The following GPD2 variants were observed in gnomAD, a reference collection of about 807,000 sequenced individuals.
GPD2 encodes glycerol-3-phosphate dehydrogenase, mitochondrial.
In GPD2, 54 loss-of-function variants were observed where a neutral mutation model predicts 82.4. The ratio of observed to expected loss-of-function variants is 0.66; its 90% CI spans 0.53 to 0.82. The LOEUF is 0.82. Ranked by LOEUF, GPD2 falls within the 40% of genes least tolerant of loss-of-function variation. GPD2 has a pLI of 0.00. For missense variants in GPD2, 748 were observed against 896.2 expected (o/e 0.83, Z 2.11); for synonymous variants, 288 against 306.1 (o/e 0.94, Z 0.62).
chr2:156,569,909 G>T (rs1196180030), intron 11 of GPD2, among the ~76,000 whole-genome samples, 178 bp from the exon 12 acceptor site: 1 of 151,996 alleles, frequency 6.6e-6, no homozygotes, highest in African/African-American at 2.4e-5. Context: ...GTTAGTGCTG[G>T]CCTAAGCATT....
chr2:156,424,780 T>G, the GPD2 span, among the ~76,000 whole-genome samples: 1 of 152,242 alleles, frequency 6.6e-6, no homozygotes, highest in Non-Finnish European at 1.5e-5. Flanking sequence ...TCAGAATATT[T>G]AGTAACACTG....
intron 1 of GPD2, among the ~76,000 whole-genome samples, chr2:156,447,825 GGTCT>G (rs1286694244): frequency 2.0e-5 from 3 of 152,054 alleles, no homozygotes; most frequent in African/African-American, 7.2e-5. Context: ...GAATTCCCAG[GGTCT>G]GTCTTTAGTT....
At chr2:156,561,621 T>A (rs1687180836) in intron 9 of GPD2, among the ~76,000 whole-genome samples, 1 of 152,196 alleles carries the variant, frequency 6.6e-6, no homozygotes, top group South Asian at 2.1e-4. Flanking sequence ...TCATAACTAA[T>A]CCCTTGGGCC....
intron 9 of GPD2, among the ~76,000 whole-genome samples, chr2:156,564,514 C>T (rs527696870): frequency 2.0e-5 from 3 of 152,258 alleles, no homozygotes; most frequent in South Asian, 4.1e-4. Context: ...ACATGTTTAG[C>T]TGTGCTGTGC....
rs1303408690 is a variant in GPD2 at position 156,582,929 on chromosome 2, TA to T, written c.*14del. 1 of 1,611,814 alleles carries T rather than the reference TA, an allele frequency of 6.2e-7. No homozygotes were observed. The highest frequency in any genetic ancestry group is 8.5e-7 in the Non-Finnish European group (1 of 1,178,506). On this transcript the variant is annotated 3_prime_UTR_variant, in exon 17 of 17. Coordinates refer to ENST00000438166, the MANE Select transcript of GPD2 (RefSeq NM_000408.5). ...TGTGGAGGATTGTGAGTCTGGGCAG[TA>T]AATCCACAGCCAACAAACATAGAAA...
intron 3 of GPD2, among the ~76,000 whole-genome samples, chr2:156,504,528 CAG>C (rs1315093592): frequency 6.6e-6 from 1 of 151,744 alleles, no homozygotes; most frequent in Non-Finnish European, 1.5e-5. Context: ...ATACTTATTT[CAG>C]AGTGATTATT....
chr2:156,540,413 G>A (rs1466354811), intron 6 of GPD2, among the ~76,000 whole-genome samples: 2 of 152,186 alleles, frequency 1.3e-5, no homozygotes, highest in Non-Finnish European at 2.9e-5. Flanking sequence ...TCTCCTATGG[G>A]ATGGTAGAAT....
intron 6 of GPD2, among the ~76,000 whole-genome samples, chr2:156,519,774 G>T (rs1685331054): frequency 6.6e-6 from 1 of 152,204 alleles, no homozygotes. Context: ...GTGGGTGGGG[G>T]AGCACCCAGG....
intron 6 of GPD2, among the ~76,000 whole-genome samples, chr2:156,535,289 G>A (rs150359099): frequency 2.0e-3 from 303 of 149,028 alleles, no homozygotes; most frequent in African/African-American, 6.6e-3. Flanking sequence ...GAGAGAGAGA[G>A]AAAGAGAGAG....
the GPD2 span, among the ~76,000 whole-genome samples, chr2:156,417,478 A>G: frequency 6.6e-6 from 1 of 152,146 alleles, no homozygotes; most frequent in African/African-American, 2.4e-5. Context: ...CAGTTCCTGA[A>G]CAAGCTACTA....
Position 156,508,713 on chromosome 2 carries a change from G to C in GPD2, c.275-2083G>C, listed in dbSNP as rs571861779. Among the ~76,000 whole-genome samples, 8 of 152,262 alleles carry C rather than the reference G, an allele frequency of 5.3e-5. No individual in the cohort carries two copies. The South Asian group carries it at 1.7e-3, about 32-fold the overall frequency. On this transcript the variant is annotated intron_variant, in intron 3 of 16. Coordinates refer to ENST00000438166, the MANE Select transcript of GPD2 (RefSeq NM_000408.5). ...CATTTGAAAGTCAACTCCCTCGTCT[G>C]ATCTTCAGCTGAAGAAAAAATGGTC...
chr2:156,465,313 A>G (rs1330207285), intron 1 of GPD2, among the ~76,000 whole-genome samples: 1 of 151,162 alleles, frequency 6.6e-6, no homozygotes, highest in Non-Finnish European at 1.5e-5. Context: ...AGCTTATTTT[A>G]TAGCAAGGTA....
intron 6 of GPD2, among the ~76,000 whole-genome samples, chr2:156,526,375 A>G (rs1573963245): frequency 6.6e-6 from 1 of 152,310 alleles, no homozygotes; most frequent in Non-Finnish European, 1.5e-5. Flanking sequence ...TATGTAAAAT[A>G]TGCTGTGATT....
At chr2:156,429,710 C>T in the GPD2 span, among the ~76,000 whole-genome samples, 2 of 152,164 alleles carry the variant, frequency 1.3e-5, no homozygotes, top group Non-Finnish European at 2.9e-5. Context: ...CATATATTTT[C>T]ACTTCATTCT....
At chr2:156,495,410 G>A (rs1684332993) in intron 2 of GPD2, among the ~76,000 whole-genome samples, 1 of 152,056 alleles carries the variant, frequency 6.6e-6, no homozygotes, top group South Asian at 2.1e-4. Context: ...AGAATCTATG[G>A]TTTTATATTA....
Position 156,513,408 on chromosome 2 carries a change from C to G in GPD2, c.573C>G (p.Ser191Arg), listed in dbSNP as rs778321381. The G allele has an allele frequency of 6.2e-7, 1 of 1,611,852 alleles. No individual in the cohort carries two copies. The highest frequency in any genetic ancestry group is 2.2e-5 in the East Asian group (1 of 44,856). ...TTGCAGGAAGCAATTGCCTAAAAAGCAGTTATGTCCTCAGCAAATCAAGAG... is the reference window on the plus strand; with the variant it reads ...TTGCAGGAAGCAATTGCCTAAAAAGGAGTTATGTCCTCAGCAAATCAAGAG... ...DLVAGSNCLKSSYVLSKSRAL... is the reference protein window; with the variant it reads ...DLVAGSNCLKRSYVLSKSRAL... The change falls in exon 6 of 17, where the codon AGC (serine) becomes AGG (arginine). Residue 191 changes from serine (S) to arginine (R), a missense_variant. Physicochemically the swap from Ser to Arg is moderately radical, Grantham distance 110 (BLOSUM62 -1). Around this residue, in one of 3 missense-constraint regions of GPD2, gnomAD observed 692 missense variants for 809.7 expected, o/e 0.85. Transcript: ENST00000438166.
chr2:156,540,605 A>T (rs77908502), intron 6 of GPD2, among the ~76,000 whole-genome samples: 1 of 152,170 alleles, frequency 6.6e-6, no homozygotes, highest in Non-Finnish European at 1.5e-5. Context: ...GCTAATATAG[A>T]TTTCCTTTAT....
At chr2:156,512,155 A>G (rs1045290679) in intron 4 of GPD2, 65 bp from the exon 5 acceptor site, 22 of 822,054 alleles carry the variant, frequency 2.7e-5, no homozygotes, top group Non-Finnish European at 4.4e-5. Flanking sequence ...CAGGGTGTCT[A>G]TTTGCCATTT....
Position 156,583,037 on chromosome 2 carries a change from A to G in GPD2, c.*119A>G. On this transcript the variant is annotated 3_prime_UTR_variant, in exon 17 of 17. Coordinates refer to ENST00000438166, the MANE Select transcript of GPD2 (RefSeq NM_000408.5). ...GTGGATAGCTGCCTTTTTTAACACT[A>G]GAAAACATTCCAAAACTTTAAGGTG... 1.8e-6 allele frequency: 2 copies of G among 1,096,140 alleles called. No individual in the cohort carries two copies. Among genetic ancestry groups the G allele is most frequent in the Non-Finnish European group, 2.7e-6 (2 of 730,146 alleles). 67.9% of individuals were successfully genotyped at this position (1,096,140 alleles called of 1,614,324 possible). A position where few individuals can be genotyped will look rare whatever the true frequency, so the allele number is the denominator to read the frequency against.
Sources: allele counts gnomAD v4.1 joint callset (sites outside exome capture counted in the v4.1 genomes callset), GRCh38; gene constraint gnomAD v4.1.1; regional missense constraint gnomAD v4.1.1; transcripts MANE v1.5; gene names NCBI Gene and HGNC (gene_info 2026-07-23, HGNC 2026-07-21).